The following NEO1 variants were observed in gnomAD, a reference collection of about 807,000 sequenced individuals.
NEO1 encodes neogenin 1, also known as neogenin.
A neutral mutation model predicts 159.7 loss-of-function variants in NEO1; 63 were observed. The ratio of observed to expected loss-of-function variants is 0.39; its 90% CI spans 0.32 to 0.49. The LOEUF is 0.49. NEO1 is among the 20% of genes least tolerant of loss of function. The pLI is 0.85. For synonymous variants in NEO1, 633 were observed against 662.0 expected, an observed-to-expected ratio of 0.96 and a Z score of 0.67; for missense variants, 1,615 against 1,831.0, an observed-to-expected ratio of 0.88 and a Z score of 2.15.
At chr15:73,113,644 GGT>G (rs1268704997) in intron 1 of NEO1, among the ~76,000 whole-genome samples, 1 of 152,076 alleles carries the variant, frequency 6.6e-6, no homozygotes, top group Non-Finnish European at 1.5e-5. Context: ...AGCTTTTAGT[GGT>G]TACTGTTTTA....
chr15:73,250,122 G>A (rs377609458), intron 11 of NEO1, among the ~76,000 whole-genome samples: 5 of 151,762 alleles, frequency 3.3e-5, no homozygotes, highest in South Asian at 2.1e-4. Context: ...TAGTTCCTCC[G>A]TATTTGTGAC....
chr15:73,139,046 A>G (rs898558392), intron 5 of NEO1, among the ~76,000 whole-genome samples: 2 of 152,182 alleles, frequency 1.3e-5, no homozygotes, highest in African/African-American at 2.4e-5. Flanking sequence ...AAGAATATAC[A>G]ATGGGGAAAG....
intron 11 of NEO1, among the ~76,000 whole-genome samples, chr15:73,252,841 T>G (rs2040146936): frequency 6.6e-6 from 1 of 151,920 alleles, no homozygotes; most frequent in Admixed American, 6.6e-5. Flanking sequence ...AATACAAAAA[T>G]TAGCCGGGCG....
chr15:73,068,225 C>CT (rs990029961), intron 1 of NEO1, among the ~76,000 whole-genome samples: 9 of 102,680 alleles, frequency 8.8e-5, no homozygotes, highest in Non-Finnish European at 1.6e-4. Context: ...GTCCCCCTAC[C>CT]CCCCCCCCTT....
chr15:73,269,343 G>T (rs188514671), intron 16 of NEO1, among the ~76,000 whole-genome samples: 1 of 152,092 alleles, frequency 6.6e-6, no homozygotes, highest in East Asian at 1.9e-4. Flanking sequence ...TTTTGTCTTC[G>T]TGAGCCTTTT....
rs2039173779 is a variant in NEO1 at position 73,236,391 on chromosome 15, G to A, written c.1336G>A (p.Val446Met). ...ACTGCCTTCAGCTCCTCGGGATGTCGTGGCCTCCCTGGTCTCTACCCGCTT... is the reference window on the plus strand; with the variant it reads ...ACTGCCTTCAGCTCCTCGGGATGTCATGGCCTCCCTGGTCTCTACCCGCTT... ...GPLPSAPRDV[V>M]ASLVSTRFIK... is the part of the protein sequence containing the mutation. The change falls in exon 8 of 29, where the codon GTG becomes ATG. Residue 446 changes from valine to methionine, a missense_variant. Coordinates refer to ENST00000261908, the MANE Select transcript of NEO1 (RefSeq NM_002499.4). 9.3e-6 allele frequency: 15 copies of A among 1,614,100 alleles called. No individual in the cohort carries two copies. The highest frequency in any genetic ancestry group is 6.7e-5 in the African/African-American group (5 of 75,000).
At chr15:73,211,346 G>T (rs2037551865) in intron 7 of NEO1, among the ~76,000 whole-genome samples, 2 of 152,180 alleles carry the variant, frequency 1.3e-5, no homozygotes, top group Admixed American at 6.5e-5. Flanking sequence ...AGCATAAGAT[G>T]CCCCATTTAT....
intron 3 of NEO1, among the ~76,000 whole-genome samples, chr15:73,126,024 G>A (rs1596070251): frequency 6.6e-6 from 1 of 152,092 alleles, no homozygotes; most frequent in African/African-American, 2.4e-5. Context: ...TGACAAGTAC[G>A]TACCCTGAAG....
intron 26 of NEO1, 68 bp downstream of exon 26, chr15:73,293,616 G>T: frequency 1.3e-6 from 2 of 1,499,148 alleles, no homozygotes; most frequent in South Asian, 1.2e-5. Context: ...AATGGGGAAG[G>T]ACTTGCCCTA....
At chr15:73,216,253 G>C (rs2037876235) in intron 7 of NEO1, among the ~76,000 whole-genome samples, 1 of 152,194 alleles carries the variant, frequency 6.6e-6, no homozygotes, top group Non-Finnish European at 1.5e-5. Flanking sequence ...CCCTACAAAA[G>C]ACATGAACTC....
At chr15:73,123,040 C>T (rs944226802) in intron 3 of NEO1, among the ~76,000 whole-genome samples, 15 of 151,916 alleles carry the variant, frequency 9.9e-5, no homozygotes, top group Non-Finnish European at 1.9e-4. Flanking sequence ...GCTTATAACT[C>T]CAGCTACTCT....
At chr15:73,300,177 A>G (rs963998691) in intron 27 of NEO1, among the ~76,000 whole-genome samples, 2 of 152,258 alleles carry the variant, frequency 1.3e-5, no homozygotes, top group African/African-American at 2.4e-5. Flanking sequence ...CATTAATATC[A>G]TCAAAATGTG....
At position 73,135,930 on chromosome 15, in the gene NEO1, G is replaced by A. The variant is rs1331121017; in HGVS notation, c.918G>A (p.Glu306=). The A allele has an allele frequency of 6.2e-7, 1 of 1,600,624 alleles. No individual in the cohort carries two copies. The highest frequency in any genetic ancestry group is 1.7e-5 in the Admixed American group (1 of 59,106). ...TATTGCTGGCAGGTGGTAGCCTGGAGATCAGTGATGTTACTGAGGATGATG... is the reference window on the plus strand; with the variant it reads ...TATTGCTGGCAGGTGGTAGCCTGGAAATCAGTGATGTTACTGAGGATGATG... ...RLVLLAGGSL[E]ISDVTEDDAG... Residue 306 remains glutamate, a synonymous_variant, in exon 5 of 29, where the codon GAG becomes GAA. Transcript: ENST00000261908.
At chr15:73,227,993 G>C (rs1489291513) in intron 7 of NEO1, among the ~76,000 whole-genome samples, 1 of 152,156 alleles carries the variant, frequency 6.6e-6, no homozygotes, top group Non-Finnish European at 1.5e-5. Flanking sequence ...CAGTAAAGCT[G>C]TTGAAAGAAA....
At chr15:73,248,541 TC>T (rs1021372140) in intron 9 of NEO1, among the ~76,000 whole-genome samples, 4 of 152,226 alleles carry the variant, frequency 2.6e-5, no homozygotes, top group African/African-American at 7.2e-5. Flanking sequence ...TTTGCTTGAC[TC>T]CAAGAATTCT....
rs530782652 is a variant in NEO1, at chr15:73,176,386, T to A, written c.1016-17T>A. ...TTCTATTTTCATTAATGTCTTAATT[T>A]CCTTTTTATTTTAAAGCTCAACCTG... On this transcript the variant is annotated splice_polypyrimidine_tract_variant and intron_variant, in intron 5 of 28. Transcript: ENST00000261908. 1 of 1,502,714 alleles carries A rather than the reference T, an allele frequency of 6.7e-7. No homozygotes were observed. The highest frequency in any genetic ancestry group is 2.4e-5 in the East Asian group (1 of 42,284). 93.1% of individuals were successfully genotyped at this position (1,502,714 alleles called of 1,614,324 possible).
intron 1 of NEO1, among the ~76,000 whole-genome samples, chr15:73,071,518 T>TTTTG (rs933975415): frequency 9.9e-5 from 15 of 152,014 alleles, no homozygotes; most frequent in East Asian, 3.9e-4. Flanking sequence ...CTTAGATGTT[T>TTTTG]TTTGTTTGTT....
intron 27 of NEO1, 151 bp downstream of exon 27, chr15:73,298,762 A>G: frequency 8.8e-7 from 1 of 1,130,504 alleles, no homozygotes; most frequent in Non-Finnish European, 1.2e-6. Flanking sequence ...GCAGTGTGCC[A>G]TTGCCCCGCC....
At chr15:73,278,489 A>T (rs2041524314) in intron 22 of NEO1, among the ~76,000 whole-genome samples, 1 of 152,222 alleles carries the variant, frequency 6.6e-6, no homozygotes, top group African/African-American at 2.4e-5. Flanking sequence ...TTCAAAAATA[A>T]ACCCTCTAGT....
Sources: allele counts gnomAD v4.1 joint callset (sites outside exome capture counted in the v4.1 genomes callset), GRCh38; gene constraint gnomAD v4.1.1; transcripts MANE v1.5; gene names NCBI Gene and HGNC (gene_info 2026-07-23, HGNC 2026-07-21).